RBMS1: variants seen among roughly 807,000 people sequenced by gnomAD.
The protein encoded by RBMS1 is RNA-binding motif, single-stranded-interacting protein 1.
RBMS1 carries 17 observed loss-of-function variants against 62.3 expected under a neutral mutation model. That is an observed-to-expected ratio of 0.27 (90% CI 0.19 to 0.41). RBMS1 has a LOEUF of 0.41. Among genes scored for constraint, RBMS1 ranks in the 10% least tolerant of loss-of-function variants. RBMS1 has a pLI of 1.00. For missense variants in RBMS1, 334 were observed against 504.5 expected (o/e 0.66, Z 3.24); for synonymous variants, 172 against 170.0 (o/e 1.01, Z -0.09).
chr2:160,327,753 G>A (rs367819561), intron 2 of RBMS1, among the ~76,000 whole-genome samples: 5 of 152,174 alleles, frequency 3.3e-5, no homozygotes, highest in Non-Finnish European at 7.4e-5. Flanking sequence ...AATATGTGCC[G>A]AAAATGAAAC....
At chr2:160,338,649 T>C (rs1040490005) in intron 2 of RBMS1, among the ~76,000 whole-genome samples, 11 of 152,218 alleles carry the variant, frequency 7.2e-5, no homozygotes, top group African/African-American at 2.2e-4. Context: ...TAGAAACTGT[T>C]TTATTCATTT....
intron 2 of RBMS1, among the ~76,000 whole-genome samples, chr2:160,331,236 C>T (rs1277260582): frequency 6.6e-6 from 1 of 152,168 alleles, no homozygotes; most frequent in Non-Finnish European, 1.5e-5. Flanking sequence ...CTCCAGCCAG[C>T]TTGCCTGTAT....
intron 2 of RBMS1, among the ~76,000 whole-genome samples, chr2:160,361,776 C>T (rs1693143530): frequency 6.6e-6 from 1 of 152,214 alleles, no homozygotes; most frequent in African/African-American, 2.4e-5. Context: ...TACAATCATG[C>T]TTGAGAATAG....
At chr2:160,449,097 G>A (rs1683829293) in intron 1 of RBMS1, among the ~76,000 whole-genome samples, 1 of 150,872 alleles carries the variant, frequency 6.6e-6, no homozygotes, top group Admixed American at 6.6e-5. Flanking sequence ...CCTCCGCCCG[G>A]CAGCCGCCCC....
chr2:160,461,740 G>C (rs1489703395), intron 1 of RBMS1, among the ~76,000 whole-genome samples: 2 of 152,324 alleles, frequency 1.3e-5, no homozygotes, highest in African/African-American at 4.8e-5. Flanking sequence ...GCTCACACAA[G>C]TATTTGCCTA....
chr2:160,363,313 G>T (rs1051934982), intron 2 of RBMS1, among the ~76,000 whole-genome samples: 1 of 152,158 alleles, frequency 6.6e-6, no homozygotes, highest in African/African-American at 2.4e-5. Flanking sequence ...TAATGTAACA[G>T]GCACTTGGAG....
At chr2:160,318,919 TGAA>T (rs775238224) in intron 2 of RBMS1, among the ~76,000 whole-genome samples, 1 of 152,192 alleles carries the variant, frequency 6.6e-6, no homozygotes, top group Non-Finnish European at 1.5e-5. Flanking sequence ...AAGAATATAA[TGAA>T]GAAGAATATA....
At chr2:160,358,453 T>C (rs1174448642) in intron 2 of RBMS1, among the ~76,000 whole-genome samples, 1 of 152,188 alleles carries the variant, frequency 6.6e-6, no homozygotes, top group Admixed American at 6.6e-5. Flanking sequence ...TGTGTCATCC[T>C]ATTATGCTAG....
intron 1 of RBMS1, among the ~76,000 whole-genome samples, chr2:160,478,487 A>G (rs1685233212): frequency 6.6e-6 from 1 of 152,206 alleles, no homozygotes; most frequent in Non-Finnish European, 1.5e-5. Flanking sequence ...CTAATATCTA[A>G]TTAATCTTTA....
chr2:160,313,006 G>A, intron 4 of RBMS1, 150 bp downstream of exon 4: 1 of 582,248 alleles, frequency 1.7e-6, no homozygotes, highest in South Asian at 2.5e-5. Flanking sequence ...AGTGACTGTG[G>A]AGGCTGCGGA....
intron 1 of RBMS1, among the ~76,000 whole-genome samples, chr2:160,380,033 C>T (rs912129034): frequency 1.3e-5 from 2 of 152,272 alleles, no homozygotes; most frequent in Admixed American, 6.5e-5. Flanking sequence ...CTTTGCTGTG[C>T]ATGATCAAAC....
At chr2:160,287,580 T>G (rs1688465924) in intron 6 of RBMS1, among the ~76,000 whole-genome samples, 5 of 152,270 alleles carry the variant, frequency 3.3e-5, no homozygotes, top group Admixed American at 3.3e-4. Flanking sequence ...TAACAATTGG[T>G]GAGTATGTTT....
At chr2:160,283,530 G>T (rs1040314910) in intron 9 of RBMS1, 8 of 152,220 alleles carry the variant, frequency 5.3e-5, no homozygotes, top group African/African-American at 1.9e-4. Flanking sequence ...TAAGAGCCTA[G>T]AAGCATAGGA....
At chr2:160,392,462 A>C (rs78137647) in intron 1 of RBMS1, among the ~76,000 whole-genome samples, 31 of 149,126 alleles carry the variant, frequency 2.1e-4, no homozygotes, top group African/African-American at 4.0e-4. Flanking sequence ...GCCCTTCACA[A>C]AAAAAAAAAA....
intron 1 of RBMS1, among the ~76,000 whole-genome samples, chr2:160,471,717 A>ATATATATATATATAT (rs1422014155): frequency 4.3e-4 from 23 of 53,944 alleles, no homozygotes; most frequent in East Asian, 2.2e-3. Flanking sequence ...ATATATATAT[A>ATATATATATATATAT]ACCTTTCATA....
chr2:160,392,647 T>A (rs941785494), intron 1 of RBMS1, among the ~76,000 whole-genome samples: 2 of 152,116 alleles, frequency 1.3e-5, no homozygotes, highest in African/African-American at 2.4e-5. Flanking sequence ...TCTAGCACTT[T>A]GGGAAGTCAA....
At chr2:160,276,185 T>G in intron 12 of RBMS1, among the ~76,000 whole-genome samples, 1 of 152,174 alleles carries the variant, frequency 6.6e-6, no homozygotes, top group East Asian at 1.9e-4. Flanking sequence ...CAATTCAGGT[T>G]GAGTTTTGCC....
intron 3 of RBMS1, among the ~76,000 whole-genome samples, chr2:160,315,712 A>G (rs1288098470): frequency 6.6e-6 from 1 of 152,188 alleles, no homozygotes; most frequent in Non-Finnish European, 1.5e-5. Context: ...TGAATCAATC[A>G]ATTTCATAAC....
chr2:160,367,181 T>G, intron 2 of RBMS1, 35 bp downstream of exon 2: 1 of 1,588,050 alleles, frequency 6.3e-7, no homozygotes, highest in Non-Finnish European at 8.6e-7. Flanking sequence ...AGAAAATACT[T>G]AGCAGCTAAA....
Sources: allele counts gnomAD v4.1 joint callset (sites outside exome capture counted in the v4.1 genomes callset), GRCh38; gene constraint gnomAD v4.1.1; transcripts MANE v1.5; gene names NCBI Gene and HGNC (gene_info 2026-07-23, HGNC 2026-07-21).